The following TMEM132D variants were observed in gnomAD, a reference collection of about 807,000 sequenced individuals.
TMEM132D encodes the protein mature OL transmembrane protein.
In TMEM132D, 21 loss-of-function variants were observed where a neutral mutation model predicts 62.3. The observed-to-expected ratio is 0.34, with a 90% CI of 0.24 to 0.49. TMEM132D has a LOEUF of 0.49. Among genes scored for constraint, TMEM132D ranks in the 20% least tolerant of loss-of-function variants. The pLI, the probability that TMEM132D is intolerant of heterozygous loss-of-function variation, is 0.99. For missense variants in TMEM132D, 1,346 were observed against 1,402.8 expected, an observed-to-expected ratio of 0.96 and a Z score of 0.65; for synonymous variants, 621 against 575.6, an observed-to-expected ratio of 1.08 and a Z score of -1.13.
At chr12:129,710,995 C>T (rs145958386) in intron 1 of TMEM132D, among the ~76,000 whole-genome samples, 1,599 of 152,302 alleles carry the variant, frequency 0.01, 14 homozygotes, top group Non-Finnish European at 0.015. Flanking sequence ...CACGCGCATT[C>T]CCTGGGTAAC....
chr12:129,679,325 T>C (rs1490500116), intron 2 of TMEM132D, among the ~76,000 whole-genome samples: 1 of 152,088 alleles, frequency 6.6e-6, no homozygotes, highest in Non-Finnish European at 1.5e-5. Context: ...AAGATATGTT[T>C]TGTATTAATA....
chr12:129,575,436 A>T (rs1877634282), intron 2 of TMEM132D, among the ~76,000 whole-genome samples: 1 of 151,776 alleles, frequency 6.6e-6, no homozygotes, highest in South Asian at 2.1e-4. Flanking sequence ...CTCACTAAAT[A>T]ATGTGAAGAT....
intron 1 of TMEM132D, among the ~76,000 whole-genome samples, chr12:129,728,969 T>A (rs1223018956): frequency 6.6e-6 from 1 of 152,216 alleles, no homozygotes; most frequent in Non-Finnish European, 1.5e-5. Context: ...TGCGGGGTGT[T>A]ATTTAAATTT....
rs765486372 is a variant in TMEM132D at position 129,700,080 on chromosome 12, C to A, written c.698G>T (p.Gly233Val). ...PVELYYTVHP[G>V]GERGDCVRED... is the part of the protein sequence containing the mutation. ...CCTGACGCAGTCCCCTCTCTCACCCCCTGGGTGCACGGTGTAGTAGAGCTC... is the reference window on the plus strand; with the variant it reads ...CCTGACGCAGTCCCCTCTCTCACCCACTGGGTGCACGGTGTAGTAGAGCTC... The change falls in exon 2 of 9, where the codon GGG becomes GTG. Residue 233 changes from glycine to valine, a missense_variant. Transcript: ENST00000422113. The A allele has an allele frequency of 4.3e-6, 7 of 1,613,698 alleles. No homozygotes were observed. The highest frequency in any genetic ancestry group is 2.2e-5 in the East Asian group (1 of 44,858).
chr12:129,704,064 A>T (rs921571488), intron 1 of TMEM132D, among the ~76,000 whole-genome samples: 5 of 152,248 alleles, frequency 3.3e-5, no homozygotes, highest in Non-Finnish European at 7.3e-5. Context: ...GATAAAACAC[A>T]AACACCTAAT....
chr12:129,634,558 AT>A (rs2038566708), intron 2 of TMEM132D, among the ~76,000 whole-genome samples: 2 of 151,960 alleles, frequency 1.3e-5, no homozygotes, highest in South Asian at 4.2e-4. Flanking sequence ...TAGAGTCTTA[AT>A]TGTATCTAAA....
At chr12:129,275,551 GA>G (rs1555243631) in intron 4 of TMEM132D, among the ~76,000 whole-genome samples, 2 of 152,176 alleles carry the variant, frequency 1.3e-5, no homozygotes, top group Non-Finnish European at 2.9e-5. Context: ...ATATCCCCTG[GA>G]GCTGAGACAC....
At chr12:129,403,009 C>T (rs1039056122) in intron 3 of TMEM132D, among the ~76,000 whole-genome samples, 4 of 152,060 alleles carry the variant, frequency 2.6e-5, no homozygotes, top group South Asian at 2.1e-4. Context: ...TTTTCTGCCA[C>T]GGGCCACTGA....
At chr12:129,372,915 G>A (rs1405364338) in intron 3 of TMEM132D, among the ~76,000 whole-genome samples, 1 of 152,198 alleles carries the variant, frequency 6.6e-6, no homozygotes, top group African/African-American at 2.4e-5. Context: ...CCACTGGTCT[G>A]TGGAAAAATT....
intron 1 of TMEM132D, among the ~76,000 whole-genome samples, chr12:129,772,635 T>C (rs987658541): frequency 2.3e-4 from 35 of 152,310 alleles, no homozygotes; most frequent in African/African-American, 7.0e-4. Flanking sequence ...CCATGAGCTA[T>C]TGTCTGTTCC....
At chr12:129,536,231 T>C (rs1876383454) in intron 2 of TMEM132D, among the ~76,000 whole-genome samples, 1 of 152,160 alleles carries the variant, frequency 6.6e-6, no homozygotes, top group Non-Finnish European at 1.5e-5. Context: ...TATGGAACAA[T>C]ACACAGTGTG....
chr12:129,164,181 C>A (rs1199500552), intron 5 of TMEM132D, among the ~76,000 whole-genome samples: 5 of 152,208 alleles, frequency 3.3e-5, no homozygotes, highest in Non-Finnish European at 7.3e-5. Flanking sequence ...GGGAGATAAT[C>A]CAGCCCCAGG....
chr12:129,526,992 A>G (rs1201814181), intron 3 of TMEM132D, among the ~76,000 whole-genome samples: 1 of 152,196 alleles, frequency 6.6e-6, no homozygotes, highest in Admixed American at 6.5e-5. Flanking sequence ...CTTGTTTAAG[A>G]TATTCCTATT....
chr12:129,817,902 C>T (rs1405302347), intron 1 of TMEM132D, among the ~76,000 whole-genome samples: 6 of 112,424 alleles, frequency 5.3e-5, no homozygotes, highest in Non-Finnish European at 9.3e-5. Context: ...TTTGTGTGTG[C>T]CTATGTGTGT....
intron 1 of TMEM132D, among the ~76,000 whole-genome samples, chr12:129,769,172 G>C (rs1361756070): frequency 1.3e-5 from 2 of 152,088 alleles, no homozygotes; most frequent in East Asian, 3.9e-4. Context: ...CCTCCCCTAG[G>C]TCCCGGTATT....
At chr12:129,838,426 G>C (rs1339830900) in intron 1 of TMEM132D, among the ~76,000 whole-genome samples, 1 of 152,224 alleles carries the variant, frequency 6.6e-6, no homozygotes, top group Admixed American at 6.5e-5. Context: ...TTGTCTGTCA[G>C]AGCGGCCAGT....
In TMEM132D at chr12:129,209,414, G is replaced by A; in HGVS notation, c.1443+106C>T. On this transcript the variant is annotated intron_variant, in intron 5 of 8. Coordinates refer to ENST00000422113, the MANE Select transcript of TMEM132D (RefSeq NM_133448.3). ...ACCAGAATGGGATGGGAGGGATCCT[G>A]TGGGACCCAGAGGTCCCAGAGGTCC... The A allele has an allele frequency of 3.7e-6, 5 of 1,355,442 alleles. No homozygotes were observed. In the South Asian group the frequency reaches 6.8e-5, roughly 19 times the overall value. The allele number at this position is 1,355,442 out of a possible 1,614,324, so 84.0% of individuals were successfully genotyped here. A position where few individuals can be genotyped will look rare whatever the true frequency, so the allele number is the denominator to read the frequency against.
intron 3 of TMEM132D, among the ~76,000 whole-genome samples, chr12:129,388,362 A>G (rs1394432714): frequency 1.1e-5 from 1 of 93,482 alleles, no homozygotes; most frequent in African/African-American, 3.1e-5. Context: ...ACCAACACCA[A>G]TCCAGCACTG....
intron 4 of TMEM132D, among the ~76,000 whole-genome samples, chr12:129,244,403 AAAAAAAC>A (rs1468241470): frequency 6.9e-6 from 1 of 145,690 alleles, no homozygotes; most frequent in South Asian, 2.2e-4. Flanking sequence ...AAAAAAAAAA[AAAAAAAC>A]AAACAAAAAG....
Sources: allele counts gnomAD v4.1 joint callset (sites outside exome capture counted in the v4.1 genomes callset), GRCh38; gene constraint gnomAD v4.1.1; transcripts MANE v1.5; gene names NCBI Gene and HGNC (gene_info 2026-07-23, HGNC 2026-07-21).